The following CLTCL1 variants were observed in gnomAD, a reference collection of about 807,000 sequenced individuals.
The protein encoded by CLTCL1 is clathrin heavy chain 2.
CLTCL1 carries 159 observed loss-of-function variants against 190.0 expected under a neutral mutation model. That is an observed-to-expected ratio of 0.84 (90% CI 0.74 to 0.95). CLTCL1 has a LOEUF of 0.95. Ranked by LOEUF, CLTCL1 falls within the 40% of genes least tolerant of loss-of-function variation. The pLI, the probability that CLTCL1 is intolerant of heterozygous loss-of-function variation, is 0.00. For synonymous variants in CLTCL1, 752 were observed against 769.6 expected (o/e 0.98, Z 0.38); for missense variants, 1,878 against 2,033.4 (o/e 0.92, Z 1.47).
intron 29 of CLTCL1, among the ~76,000 whole-genome samples, chr22:19,186,061 C>T (rs2084305143): frequency 6.6e-6 from 1 of 152,204 alleles, no homozygotes; most frequent in African/African-American, 2.4e-5. Flanking sequence ...TAGGGTGAAA[C>T]TCAATGCAAC....
At chr22:19,187,859 A>G (rs1472991615) in intron 28 of CLTCL1, 122 bp downstream of exon 28, 6 of 1,313,522 alleles carry the variant, frequency 4.6e-6, no homozygotes, top group Non-Finnish European at 6.5e-6. Context: ...CCATATATCC[A>G]CTGGTGTCCT....
chr22:19,226,440 C>A (rs2085749880), intron 11 of CLTCL1, 57 bp from the exon 12 acceptor site: 2 of 1,596,890 alleles, frequency 1.3e-6, no homozygotes. Context: ...CTTTTTAAGA[C>A]CAGCTGCTCA....
At chr22:19,269,130 T>C (rs906602677) in intron 2 of CLTCL1, among the ~76,000 whole-genome samples, 2 of 149,858 alleles carry the variant, frequency 1.3e-5, no homozygotes, top group African/African-American at 4.9e-5. Flanking sequence ...AGGCCGGTAG[T>C]GGTGGTTCAC....
chr22:19,283,580 C>T (rs550644255), intron 1 of CLTCL1, among the ~76,000 whole-genome samples: 2 of 152,270 alleles, frequency 1.3e-5, no homozygotes, highest in South Asian at 2.1e-4. Context: ...TGCACTGGAC[C>T]TTAGCTACAC....
At chr22:19,216,800 A>G (rs556412096) in intron 18 of CLTCL1, among the ~76,000 whole-genome samples, 2 of 152,364 alleles carry the variant, frequency 1.3e-5, no homozygotes, top group South Asian at 4.1e-4. Flanking sequence ...ACTTACAAAT[A>G]GGGTGGAAAG....
chr22:19,237,758 A>G (rs1177664753), intron 5 of CLTCL1, among the ~76,000 whole-genome samples: 1 of 152,222 alleles, frequency 6.6e-6, no homozygotes, highest in African/African-American at 2.4e-5. Context: ...AGGAGTTTAT[A>G]CAGCAGCAAG....
chr22:19,221,946 C>T lies in CLTCL1; in HGVS notation c.2561+5G>A, dbSNP rs782374892. 1.2e-6 allele frequency: 2 copies of T among 1,613,692 alleles called. No homozygotes were observed. Among genetic ancestry groups the T allele is most frequent in the South Asian group, 2.2e-5 (2 of 91,026 alleles). On this transcript the variant is annotated splice_donor_5th_base_variant and intron_variant, in intron 16 of 32. Coordinates refer to ENST00000427926, the MANE Select transcript of CLTCL1 (RefSeq NM_007098.4). ...AAGAGAAAACACCAAGTAAGGACAC[C>T]TTACCTATTTCTTTTTTCTACTTCA...
intron 27 of CLTCL1, 67 bp downstream of exon 27, chr22:19,191,237 A>G: frequency 6.3e-7 from 1 of 1,586,590 alleles, no homozygotes; most frequent in South Asian, 1.1e-5. Context: ...TAAAGGTGCT[A>G]TCATTCAGAT....
At chr22:19,218,960 C>T (rs1047699097) in intron 18 of CLTCL1, among the ~76,000 whole-genome samples, 16 of 152,108 alleles carry the variant, frequency 1.1e-4, no homozygotes, top group African/African-American at 1.2e-4. Context: ...CCTCTGTCCA[C>T]GAGGGCTGAG....
rs375720628 is a variant in CLTCL1, at chr22:19,210,522, G to A, written c.3066-13C>T. 6.2e-7 allele frequency: 1 copy of A among 1,606,382 alleles called. No homozygotes were observed. The highest frequency in any genetic ancestry group is 2.2e-5 in the East Asian group (1 of 44,656). On this transcript the variant is annotated splice_polypyrimidine_tract_variant and intron_variant, in intron 19 of 32. Coordinates refer to ENST00000427926, the MANE Select transcript of CLTCL1 (RefSeq NM_007098.4). ...ATTCTGTAGATTCCTGAGGAGAGAG[G>A]GTGGTCAGCACGGCATCCCAGGAAC...
chr22:19,261,004 G>A (rs1015470425), intron 2 of CLTCL1, among the ~76,000 whole-genome samples: 4 of 151,768 alleles, frequency 2.6e-5, no homozygotes, highest in African/African-American at 9.7e-5. Flanking sequence ...GAGCTCTGAC[G>A]GAGATATACA....
In CLTCL1 at chr22:19,228,439, T is replaced by C. The variant is rs116495057; in HGVS notation, c.1782+1399A>G. On this transcript the variant is annotated intron_variant, in intron 11 of 32. Coordinates refer to ENST00000427926, the MANE Select transcript of CLTCL1 (RefSeq NM_007098.4). Reference sequence around the variant, plus strand: ...AGGGTCTGTCTGCCAAGTTTCTGAGTGACGCTTGGTGTGTTTCAAATCTCA... The same window carrying C: ...AGGGTCTGTCTGCCAAGTTTCTGAGCGACGCTTGGTGTGTTTCAAATCTCA... 5.7e-3 allele frequency among the ~76,000 whole-genome samples: 865 copies of C among 152,256 alleles called. 12 individuals are homozygous for C. Among genetic ancestry groups the C allele is most frequent in the African/African-American group, 0.019 (779 of 41,528 alleles).
intron 3 of CLTCL1, among the ~76,000 whole-genome samples, chr22:19,249,606 G>C (rs1267967612): frequency 6.6e-6 from 1 of 151,836 alleles, no homozygotes; most frequent in African/African-American, 2.4e-5. Flanking sequence ...TGAGATAGGA[G>C]AATCACTTGA....
At chr22:19,225,846 A>T (rs1202656368) in intron 12 of CLTCL1, among the ~76,000 whole-genome samples, 1 of 152,254 alleles carries the variant, frequency 6.6e-6, no homozygotes, top group Admixed American at 6.5e-5. Flanking sequence ...GTTCACCTGG[A>T]ATATTCCACA....
chr22:19,201,244 C>T lies in CLTCL1; in HGVS notation c.3765+85G>A, dbSNP rs190664753. 41 of 1,456,770 alleles carry T rather than the reference C, an allele frequency of 2.8e-5. No homozygotes were observed. The East Asian group carries it at 1.0e-3, about 36-fold the overall frequency. The allele number at this position is 1,456,770 out of a possible 1,614,324, so 90.2% of individuals were successfully genotyped here. ...CCTGCCTGGGCAAGAGACCGGCACC[C>T]AGAAGAGTACCGAGCAGAACGCAAA... On this transcript the variant is annotated intron_variant, in intron 23 of 32. Transcript: ENST00000427926.
chr22:19,267,592 C>T (rs2087159273), intron 2 of CLTCL1, among the ~76,000 whole-genome samples: 1 of 152,098 alleles, frequency 6.6e-6, no homozygotes, highest in Non-Finnish European at 1.5e-5. Context: ...GTAATCGGTG[C>T]AAGAATGGGC....
intron 1 of CLTCL1, among the ~76,000 whole-genome samples, chr22:19,281,878 C>T (rs1291764470): frequency 1.3e-5 from 2 of 152,132 alleles, no homozygotes; most frequent in Non-Finnish European, 2.9e-5. Flanking sequence ...CATACATACA[C>T]ATGTATGGCA....
At chr22:19,184,710 C>T in intron 29 of CLTCL1, 1 of 381,028 alleles carries the variant, frequency 2.6e-6, no homozygotes, top group Non-Finnish European at 5.3e-6. Context: ...CTGCTCTGTT[C>T]CTCCTCTGTG....
rs1555953393 is a variant in CLTCL1 at position 19,222,785 on chromosome 22, G to A, written c.2317C>T (p.Pro773Ser). 1 of 1,599,922 alleles carries A rather than the reference G, an allele frequency of 6.3e-7. No individual in the cohort carries two copies. Among genetic ancestry groups the A allele is most frequent in the East Asian group, 2.3e-5 (1 of 44,358 alleles). ...LKEAKLTDQL[P>S]LIIVCDRFGF... ...AAACGATCACACACGATGATGAGGGGAAGCTGGTCTGTGAGCTTGGCCTCC... is the reference window on the plus strand; with the variant it reads ...AAACGATCACACACGATGATGAGGGAAAGCTGGTCTGTGAGCTTGGCCTCC... The change falls in exon 15 of 33, where the codon CCC becomes TCC. Residue 773 changes from proline to serine, a missense_variant. By Grantham distance (74) the Pro-to-Ser change is moderately conservative. Coordinates refer to ENST00000427926, the MANE Select transcript of CLTCL1 (RefSeq NM_007098.4).
Sources: allele counts gnomAD v4.1 joint callset (sites outside exome capture counted in the v4.1 genomes callset), GRCh38; gene constraint gnomAD v4.1.1; transcripts MANE v1.5; gene names NCBI Gene and HGNC (gene_info 2026-07-23, HGNC 2026-07-21).